The following TFPI2 variants were observed in gnomAD, a reference collection of about 807,000 sequenced individuals.
TFPI2 encodes the protein placental protein 5.
Under a neutral mutation model 23.1 loss-of-function variants are expected in TFPI2, and 23 were observed. That is an observed-to-expected ratio of 1.00 (90% confidence interval 0.72 to 1.41). The LOEUF is 1.41. TFPI2 is among the 40% of genes most tolerant of loss of function. The probability of loss-of-function intolerance (pLI) is 0.00; values close to 1 mark genes in which losing one functional copy is unlikely to be tolerated. For missense variants in TFPI2, 291 were observed against 299.6 expected, an observed-to-expected ratio of 0.97 and a Z score of 0.21; for synonymous variants, 119 against 111.7, an observed-to-expected ratio of 1.07 and a Z score of -0.41.
At position 93,889,241 on chromosome 7, in the gene TFPI2, A is replaced by C. The variant is rs1794077728; in HGVS notation, c.272-18T>G. ...GGGAACTTCTAGGAAAAGGAGGGTA[A>C]TAGAACAATGTTAGTCAAAAGTAGC... On this transcript the variant is annotated intron_variant, in intron 2 of 4. Transcript: ENST00000222543. 6.4e-7 allele frequency: 1 copy of C among 1,561,090 alleles called. No homozygotes were observed. Among genetic ancestry groups the C allele is most frequent in the Non-Finnish European group, 8.6e-7 (1 of 1,156,488 alleles).
intron 2 of TFPI2, 89 bp downstream of exon 2, chr7:93,890,048 T>C: frequency 7.2e-7 from 1 of 1,393,586 alleles, no homozygotes; most frequent in Middle Eastern, 1.9e-4. Flanking sequence ...AAACTTCCTG[T>C]AGAAAGCGAG....
At chr7:93,888,966 A>C (rs911595509) in intron 3 of TFPI2, 69 bp downstream of exon 3, 1 of 1,413,246 alleles carries the variant, frequency 7.1e-7, no homozygotes, top group African/African-American at 1.5e-5. Context: ...TTCGCATCAA[A>C]TTGAGTTTTT....
rs1178812783 is a variant in TFPI2 at position 93,886,880 on chromosome 7, C to G, written c.648G>C (p.Lys216Asn). 3.9e-6 allele frequency: 6 copies of G among 1,546,574 alleles called. No individual in the cohort carries two copies. The highest frequency in any genetic ancestry group is 2.5e-5 in the South Asian group (2 of 80,072). ...RACAKALKKK[K>N]KMPKLRFASR... Reference sequence around the variant, plus strand: ...TGGCAAAGCGAAGCTTTGGCATCTTCTTTTTCTTTTTCAAAGCTAAAATCA... The same window carrying G: ...TGGCAAAGCGAAGCTTTGGCATCTTGTTTTTCTTTTTCAAAGCTAAAATCA... Residue 216 changes from lysine to asparagine, a missense_variant, in exon 5 of 5, where the codon AAG becomes AAC. Lys to Asn is a moderately conservative substitution (Grantham distance 94). Transcript: ENST00000222543.
At chr7:93,888,668 A>AAGAAG (rs1562778595) in intron 3 of TFPI2, among the ~76,000 whole-genome samples, 102 of 151,474 alleles carry the variant, frequency 6.7e-4, no homozygotes, top group African/African-American at 2.4e-3. Context: ...AAAGAAGAAA[A>AAGAAG]AAAAAAAAAT....
At chr7:93,888,585 G>GAC (rs1337972759) in intron 3 of TFPI2, among the ~76,000 whole-genome samples, 11 of 91,446 alleles carry the variant, frequency 1.2e-4, no homozygotes, top group African/African-American at 8.4e-4. Context: ...AGGAAGGAAG[G>GAC]AAAGAGAAAG....
rs1027728718 is a variant in TFPI2, at chr7:93,886,062, A to G, written c.*758T>C. The G allele has an allele frequency of 4.6e-5, 7 of 152,006 alleles. No homozygotes were observed. Among genetic ancestry groups the G allele is most frequent in the Admixed American group, 4.6e-4 (7 of 15,264 alleles). The allele number at this position is 152,006 out of a possible 1,614,324, so 9.4% of individuals were successfully genotyped here. A position where few individuals can be genotyped will look rare whatever the true frequency, so the allele number is the denominator to read the frequency against. On this transcript the variant is annotated 3_prime_UTR_variant, in exon 5 of 5. Coordinates refer to ENST00000222543, the MANE Select transcript of TFPI2 (RefSeq NM_006528.4). The stretch of plus-strand genomic sequence containing the variant: ...CTTAAACAGTATAAACATTTGAAAA[A>G]CTTTACTTTCCTTGGTTTTTTATAA...
Position 93,889,203 on chromosome 7 carries a change from G to A in TFPI2, c.292C>T (p.Leu98=). 2 of 1,582,748 alleles carry A rather than the reference G, an allele frequency of 1.3e-6. No individual in the cohort carries two copies. Among genetic ancestry groups the A allele is most frequent in the Non-Finnish European group, 1.7e-6 (2 of 1,166,080 alleles). Residue 98 remains leucine (L), a synonymous_variant, in exon 3 of 5, where the codon CTG becomes TTG. Transcript: ENST00000222543. The part of the protein sequence containing the change: ...RIEKVPKVCR[L]QVSVDDQCEG... ...CACTGGTCGTCCACACTCACTTGCA[G>A]CCGGCAAACTTTGGGAACTTCTAGG...
intron 2 of TFPI2, 79 bp downstream of exon 2, chr7:93,890,058 G>A: frequency 7.0e-7 from 1 of 1,434,336 alleles, no homozygotes; most frequent in Non-Finnish European, 9.4e-7. Flanking sequence ...TAGAAAGCGA[G>A]ACGTGGGAAA....
intron 1 of TFPI2, 75 bp downstream of exon 1, chr7:93,890,516 G>A (rs962124962): frequency 6.7e-7 from 1 of 1,498,834 alleles, no homozygotes; most frequent in Non-Finnish European, 9.0e-7. Context: ...CTTGGAGGGC[G>A]CCTACACGGG....
chr7:93,886,248 T>G lies in TFPI2; in HGVS notation c.*572A>C, dbSNP rs1236242056. 1.3e-5 allele frequency: 2 copies of G among 152,072 alleles called. No homozygotes were observed. The highest frequency in any genetic ancestry group is 4.8e-5 in the African/African-American group (2 of 41,434). The allele number at this position is 152,072 out of a possible 1,614,324, so 9.4% of individuals were successfully genotyped here. On this transcript the variant is annotated 3_prime_UTR_variant, in exon 5 of 5. Coordinates refer to ENST00000222543, the MANE Select transcript of TFPI2 (RefSeq NM_006528.4). ...TTCCCAGAGGAGAACATTTCTGGCTTTAATAAATTGATTAGCTTTTTAAAT... is the reference window on the plus strand; with the variant it reads ...TTCCCAGAGGAGAACATTTCTGGCTGTAATAAATTGATTAGCTTTTTAAAT...
At chr7:93,890,460 C>G (rs1247015496) in intron 1 of TFPI2, 131 bp downstream of exon 1, 1 of 1,403,726 alleles carries the variant, frequency 7.1e-7, no homozygotes. Flanking sequence ...GGGAGCGAGT[C>G]CCCCCTGCCA....
chr7:93,890,481 C>A, intron 1 of TFPI2, 110 bp downstream of exon 1: 1 of 1,420,562 alleles, frequency 7.0e-7, no homozygotes, highest in Non-Finnish European at 9.5e-7. Flanking sequence ...GCGGAGCGCG[C>A]GGCAGGGACC....
rs1414929117 is a variant in TFPI2 at position 93,886,786 on chromosome 7, C to G, written c.*34G>C. On this transcript the variant is annotated 3_prime_UTR_variant, in exon 5 of 5. Transcript: ENST00000222543. ...GATACAACCATAAAGGCAAATAAGC[C>G]ATAAAGACAAACAAGATGACATATT... The G allele has an allele frequency of 7.4e-7, 1 of 1,349,400 alleles. No homozygotes were observed. Among genetic ancestry groups the G allele is most frequent in the African/African-American group, 1.5e-5 (1 of 65,380 alleles). 83.6% of individuals were successfully genotyped at this position (1,349,400 alleles called of 1,614,324 possible).
chr7:93,888,473 A>G (rs1431328831), intron 3 of TFPI2, among the ~76,000 whole-genome samples: 1 of 150,774 alleles, frequency 6.6e-6, no homozygotes, highest in Non-Finnish European at 1.5e-5. Flanking sequence ...CCTGGCTTAC[A>G]CGGTGACACC....
At chr7:93,887,107 T>C (rs2115839761) in intron 4 of TFPI2, among the ~76,000 whole-genome samples, 154 bp downstream of exon 4, 1 of 152,328 alleles carries the variant, frequency 6.6e-6, no homozygotes, top group Middle Eastern at 3.4e-3. Context: ...TAAAAGCATT[T>C]TGACAAAACT....
At chr7:93,890,355 A>C (rs976253649) in intron 1 of TFPI2, 36 bp from the exon 2 acceptor site, 22 of 1,581,286 alleles carry the variant, frequency 1.4e-5, no homozygotes, top group Non-Finnish European at 1.9e-5. Context: ...AAAGAGAGGG[A>C]AAGTGGTCAG....
In TFPI2 at chr7:93,888,572, G is replaced by A. The variant is rs1270696891; in HGVS notation, c.460+463C>T. Among the ~76,000 whole-genome samples the A allele has an allele frequency of 2.1e-3, 223 of 104,826 alleles. 1 individual carries two copies. Among genetic ancestry groups the A allele is most frequent in the African/African-American group, 0.01 (167 of 16,222 alleles). The allele number at this position is 104,826 out of a possible 152,430, so 68.8% of individuals were successfully genotyped here. ...AGGAAGGAAGGAAGGAAGGAAGGAA[G>A]GAAGGAAGGAAGGAAAGAGAAAGAA... On this transcript the variant is annotated intron_variant, in intron 3 of 4. Coordinates refer to ENST00000222543, the MANE Select transcript of TFPI2 (RefSeq NM_006528.4).
Position 93,887,297 on chromosome 7 carries a change from C to CA in TFPI2, c.594dup (p.Val199CysfsTer2), listed in dbSNP as rs769379049. Reference sequence around the variant, plus strand: ...GCACGTTTGCAATCCTCCCTGCTAACAAAGTTATTGTCATTCCCTCCACAG... The same window carrying CA: ...GCACGTTTGCAATCCTCCCTGCTAACAAAAGTTATTGTCATTCCCTCCACAG... On this transcript the variant is annotated frameshift_variant, in exon 4 of 5. Transcript: ENST00000222543. LOFTEE classifies it low-confidence loss of function (END_TRUNC). 7 of 1,612,564 alleles carry CA rather than the reference C, an allele frequency of 4.3e-6. No individual in the cohort carries two copies. The highest frequency in any genetic ancestry group is 5.9e-6 in the Non-Finnish European group (7 of 1,179,338).
chr7:93,889,326 T>C, intron 2 of TFPI2, 103 bp from the exon 3 acceptor site: 1 of 1,109,632 alleles, frequency 9.0e-7, no homozygotes, highest in Non-Finnish European at 1.3e-6. Flanking sequence ...AGAAGTTGTA[T>C]TAGTGTTGGG....
Sources: gnomAD v4.1 joint callset for allele counts (sites outside exome capture counted in the v4.1 genomes callset) on GRCh38, gnomAD v4.1.1 for gene constraint, MANE v1.5 for transcripts, NCBI Gene and HGNC (gene_info 2026-07-23, HGNC 2026-07-21) for gene names.